SUGCT: variants seen among roughly 807,000 people sequenced by gnomAD.
SUGCT encodes succinyl-CoA:glutarate-CoA transferase, also known as succinyl-CoA:glutarate CoA-transferase.
Under a neutral mutation model 55.0 loss-of-function variants are expected in SUGCT, and 41 were observed. That is an observed-to-expected ratio of 0.74 (90% confidence interval 0.58 to 0.97). The LOEUF is 0.97. Among genes scored for constraint, SUGCT ranks in the 50% least tolerant of loss-of-function variants. The pLI is 0.00. For missense variants in SUGCT, 568 were observed against 547.8 expected, an observed-to-expected ratio of 1.04 and a Z score of -0.37; for synonymous variants, 187 against 200.4, an observed-to-expected ratio of 0.93 and a Z score of 0.56.
At chr7:40,223,998 G>A (rs1337836859) in intron 6 of SUGCT, among the ~76,000 whole-genome samples, 1 of 152,224 alleles carries the variant, frequency 6.6e-6, no homozygotes, top group South Asian at 2.1e-4. Flanking sequence ...GCTATTTGGA[G>A]TGTGGGAATC....
chr7:40,732,663 C>CAGA (rs1216788196), intron 12 of SUGCT, among the ~76,000 whole-genome samples: 2 of 152,162 alleles, frequency 1.3e-5, no homozygotes, highest in African/African-American at 2.4e-5. Context: ...AGCTGGAACT[C>CAGA]AGAAGGCAGC....
the SUGCT span, among the ~76,000 whole-genome samples, chr7:40,922,132 T>C: frequency 2.6e-5 from 4 of 152,348 alleles, no homozygotes; most frequent in South Asian, 8.3e-4. Context: ...ACTTGGTTTT[T>C]ACTCCAGGGT....
the SUGCT span, among the ~76,000 whole-genome samples, chr7:41,016,510 G>A: frequency 5.9e-5 from 9 of 151,856 alleles, no homozygotes; most frequent in Middle Eastern, 3.4e-3. Context: ...TTGCTACCCC[G>A]CCCTCCACTA....
chr7:40,774,971 A>G (rs902735493), intron 13 of SUGCT, among the ~76,000 whole-genome samples: 10 of 152,216 alleles, frequency 6.6e-5, no homozygotes, highest in African/African-American at 9.6e-5. Flanking sequence ...TGAGACTGCA[A>G]TTCTTGTTAT....
the SUGCT span, among the ~76,000 whole-genome samples, chr7:41,008,906 G>T: frequency 4.2e-4 from 64 of 152,188 alleles, no homozygotes; most frequent in Non-Finnish European, 7.6e-4. Flanking sequence ...CGAAGGGATG[G>T]TGTCTGGTCC....
intron 12 of SUGCT, among the ~76,000 whole-genome samples, chr7:40,520,848 G>A (rs1793492315): frequency 6.6e-6 from 1 of 152,084 alleles, no homozygotes; most frequent in African/African-American, 2.4e-5. Flanking sequence ...AATTTAGGTG[G>A]CAGAACAAAG....
chr7:41,020,969 C>T, the SUGCT span, among the ~76,000 whole-genome samples: 1 of 152,166 alleles, frequency 6.6e-6, no homozygotes, highest in Admixed American at 6.5e-5. Flanking sequence ...TATGAATGCT[C>T]ACAGATGGAC....
At chr7:40,811,488 G>A (rs1019336375) in intron 13 of SUGCT, among the ~76,000 whole-genome samples, 1 of 151,868 alleles carries the variant, frequency 6.6e-6, no homozygotes, top group Non-Finnish European at 1.5e-5. Context: ...TTTTGTCCTT[G>A]GTTAGATGTA....
intron 12 of SUGCT, among the ~76,000 whole-genome samples, chr7:40,664,807 CG>C (rs1801520942): frequency 6.6e-6 from 1 of 151,546 alleles, no homozygotes; most frequent in East Asian, 2.0e-4. Context: ...GGTGAAACCC[CG>C]TCTCTATTAA....
chr7:40,444,408 G>A (rs1285561724), intron 9 of SUGCT, among the ~76,000 whole-genome samples: 2 of 152,078 alleles, frequency 1.3e-5, no homozygotes, highest in Admixed American at 6.6e-5. Context: ...TTGAGCAGTG[G>A]TTTGTAGTTC....
chr7:40,471,431 C>T lies in SUGCT; in HGVS notation c.986+12233C>T, dbSNP rs142603646. On this transcript the variant is annotated intron_variant, in intron 11 of 13. Transcript: ENST00000335693. ...TCTGACCAAATATGAAATCAATGTA[C>T]TTGCCTATATAATTCAAAATGTAAT... 9.1e-3 allele frequency among the ~76,000 whole-genome samples: 1,382 copies of T among 152,022 alleles called. 14 individuals carry two copies. The highest frequency in any genetic ancestry group is 0.045 in the Middle Eastern group (13 of 292).
At chr7:40,505,002 A>G (rs1461562245) in intron 12 of SUGCT, among the ~76,000 whole-genome samples, 1 of 152,176 alleles carries the variant, frequency 6.6e-6, no homozygotes, top group Non-Finnish European at 1.5e-5. Flanking sequence ...GTTATGTCCT[A>G]GCATATAATC....
chr7:40,810,299 G>T (rs955508858), intron 13 of SUGCT, among the ~76,000 whole-genome samples: 7 of 152,062 alleles, frequency 4.6e-5, no homozygotes, highest in African/African-American at 1.7e-4. Flanking sequence ...GGGATTGCTA[G>T]GTCAAATGGA....
At chr7:40,793,411 C>G (rs937830765) in intron 13 of SUGCT, among the ~76,000 whole-genome samples, 32 of 152,134 alleles carry the variant, frequency 2.1e-4, no homozygotes, top group African/African-American at 7.5e-4. Context: ...GGATATTATA[C>G]AAGACTATTT....
At chr7:40,478,429 T>C (rs777974647) in intron 11 of SUGCT, among the ~76,000 whole-genome samples, 8 of 152,226 alleles carry the variant, frequency 5.3e-5, no homozygotes, top group Non-Finnish European at 8.8e-5. Flanking sequence ...CATTATGTGC[T>C]TTTATTGATG....
the SUGCT span, among the ~76,000 whole-genome samples, chr7:40,931,758 C>T: frequency 1.1e-4 from 16 of 152,256 alleles, no homozygotes; most frequent in African/African-American, 3.9e-4. Flanking sequence ...TCTGTGGGAT[C>T]AGTGGTGATA....
intron 12 of SUGCT, among the ~76,000 whole-genome samples, chr7:40,679,311 T>C (rs1784139887): frequency 6.6e-6 from 1 of 152,178 alleles, no homozygotes; most frequent in Admixed American, 6.5e-5. Flanking sequence ...AGTTGGCCTT[T>C]TGTTTAAGAT....
At chr7:40,872,781 A>G in the SUGCT span, among the ~76,000 whole-genome samples, 1 of 152,242 alleles carries the variant, frequency 6.6e-6, no homozygotes, top group Non-Finnish European at 1.5e-5. Context: ...GTATCTGCTA[A>G]CCCAGAACTG....
At chr7:40,153,976 G>T (rs778635912) in intron 1 of SUGCT, 51 of 296,002 alleles carry the variant, frequency 1.7e-4, no homozygotes, top group Non-Finnish European at 2.5e-4. Flanking sequence ...CAAGCTGTAC[G>T]ATGTACTCAG....
Sources: allele counts gnomAD v4.1 joint callset (sites outside exome capture counted in the v4.1 genomes callset), GRCh38; gene constraint gnomAD v4.1.1; transcripts MANE v1.5; gene names NCBI Gene and HGNC (gene_info 2026-07-23, HGNC 2026-07-21).